VWC2L: variants seen among roughly 807,000 people sequenced by gnomAD.
VWC2L encodes the protein von Willebrand factor C domain-containing protein 2-like.
A neutral mutation model predicts 21.6 loss-of-function variants in VWC2L; 10 were observed. The ratio of observed to expected loss-of-function variants is 0.46; its 90% CI spans 0.29 to 0.78. The LOEUF (loss-of-function observed/expected upper bound fraction) is 0.78. Among genes scored for constraint, VWC2L ranks in the 30% least tolerant of loss-of-function variants. The pLI, the probability that VWC2L is intolerant of heterozygous loss-of-function variation, is 0.10. For synonymous variants in VWC2L, 96 were observed against 94.3 expected (o/e 1.02, Z -0.10); for missense variants, 209 against 277.1 (o/e 0.75, Z 1.74).
chr2:214,490,303 C>T (rs763443265), intron 3 of VWC2L, among the ~76,000 whole-genome samples: 1 of 151,562 alleles, frequency 6.6e-6, no homozygotes, highest in African/African-American at 2.4e-5. Context: ...TAGGAATAGA[C>T]ACATTTTTTA....
chr2:214,494,515 C>T (rs1199490169), intron 3 of VWC2L, among the ~76,000 whole-genome samples: 4 of 152,158 alleles, frequency 2.6e-5, no homozygotes, highest in Non-Finnish European at 5.9e-5. Flanking sequence ...GGGCCTTTTT[C>T]CTCTTCCAAG....
intron 2 of VWC2L, 177 bp from the exon 3 acceptor site, chr2:214,436,452 T>C: frequency 1.4e-6 from 1 of 717,768 alleles, no homozygotes; most frequent in Non-Finnish European, 2.2e-6. Flanking sequence ...TGTAATCCAC[T>C]GTGACTTGGG....
intron 3 of VWC2L, among the ~76,000 whole-genome samples, chr2:214,548,914 A>G (rs780160493): frequency 6.6e-6 from 1 of 152,192 alleles, no homozygotes; most frequent in Non-Finnish European, 1.5e-5. Flanking sequence ...GTAACAACTT[A>G]CCACAAACTT....
intron 3 of VWC2L, among the ~76,000 whole-genome samples, chr2:214,479,291 T>C (rs917499077): frequency 1.4e-4 from 22 of 152,330 alleles, no homozygotes; most frequent in African/African-American, 5.3e-4. Flanking sequence ...CATAAAAATA[T>C]CTTATTTTTT....
chr2:214,561,784 TTATATATATA>T (rs67223012), intron 3 of VWC2L, among the ~76,000 whole-genome samples: 1,789 of 128,698 alleles, frequency 0.014, 134 homozygotes, highest in African/African-American at 0.057. Flanking sequence ...TCAAAAAAAA[TTATATATATA>T]TATATATATA....
In VWC2L at chr2:214,577,533, G is replaced by A. The variant is rs777553324; in HGVS notation, c.*1713G>A. The A allele has an allele frequency of 6.6e-6, 1 of 152,286 alleles. No individual in the cohort carries two copies. The highest frequency in any genetic ancestry group is 1.5e-5 in the Non-Finnish European group (1 of 68,144). The allele number at this position is 152,286 out of a possible 1,614,324, so 9.4% of individuals were successfully genotyped here. ...AGTGGTCTAGAATAATCAGTATAGAGTGGTTTCTGGCAGGGGACACAGTAG... is the reference window on the plus strand; with the variant it reads ...AGTGGTCTAGAATAATCAGTATAGAATGGTTTCTGGCAGGGGACACAGTAG... On this transcript the variant is annotated 3_prime_UTR_variant, in exon 4 of 4. Transcript: ENST00000312504.
intron 3 of VWC2L, among the ~76,000 whole-genome samples, chr2:214,512,590 A>G (rs558069286): frequency 6.9e-4 from 105 of 152,266 alleles, no homozygotes; most frequent in African/African-American, 2.3e-3. Context: ...TTTTACTCTC[A>G]CTTTCTAAAA....
At chr2:214,424,157 T>C (rs1702487636) in intron 2 of VWC2L, among the ~76,000 whole-genome samples, 1 of 152,174 alleles carries the variant, frequency 6.6e-6, no homozygotes, top group South Asian at 2.1e-4. Flanking sequence ...GTTTCTCAGA[T>C]TATTATAATT....
intron 2 of VWC2L, among the ~76,000 whole-genome samples, chr2:214,426,632 C>A (rs1702527862): frequency 6.6e-6 from 1 of 152,202 alleles, no homozygotes; most frequent in African/African-American, 2.4e-5. Flanking sequence ...GAAATTTGTG[C>A]CTTTGTCCTT....
At chr2:214,426,588 T>C (rs1343519458) in intron 2 of VWC2L, among the ~76,000 whole-genome samples, 2 of 152,256 alleles carry the variant, frequency 1.3e-5, no homozygotes, top group African/African-American at 4.8e-5. Context: ...ATATTTTCAC[T>C]CCCATTTCAC....
chr2:214,491,449 G>T (rs879911683), intron 3 of VWC2L, among the ~76,000 whole-genome samples: 2 of 152,188 alleles, frequency 1.3e-5, no homozygotes, highest in Non-Finnish European at 1.5e-5. Context: ...AAATCCCAAA[G>T]CCAAAGATTT....
At chr2:214,426,872 A>G (rs1702531076) in intron 2 of VWC2L, among the ~76,000 whole-genome samples, 1 of 152,210 alleles carries the variant, frequency 6.6e-6, no homozygotes, top group Non-Finnish European at 1.5e-5. Flanking sequence ...TTTCACAGAA[A>G]TGTGGCACAT....
intron 3 of VWC2L, among the ~76,000 whole-genome samples, chr2:214,563,130 C>T (rs1435617619): frequency 6.6e-6 from 1 of 151,912 alleles, no homozygotes; most frequent in Non-Finnish European, 1.5e-5. Flanking sequence ...GTAAATTTTT[C>T]TATAGGTGTA....
chr2:214,456,141 A>G (rs371035869), intron 3 of VWC2L, among the ~76,000 whole-genome samples: 1 of 152,076 alleles, frequency 6.6e-6, no homozygotes, highest in Non-Finnish European at 1.5e-5. Flanking sequence ...GGCTGTACCA[A>G]TTTACAGTCC....
intron 3 of VWC2L, among the ~76,000 whole-genome samples, chr2:214,564,552 C>A (rs1009209499): frequency 1.3e-5 from 2 of 152,070 alleles, no homozygotes; most frequent in Non-Finnish European, 2.9e-5. Flanking sequence ...GTAGTGGCTA[C>A]TGAATAGGCA....
intron 3 of VWC2L, among the ~76,000 whole-genome samples, chr2:214,453,725 C>CTT (rs33937313): frequency 0.054 from 7,732 of 142,420 alleles, 619 homozygotes; most frequent in African/African-American, 0.18. Context: ...AATTTTTTTT[C>CTT]TTTTTTTTTT....
intron 3 of VWC2L, among the ~76,000 whole-genome samples, chr2:214,477,466 C>A (rs1688541230): frequency 6.6e-6 from 1 of 152,088 alleles, no homozygotes; most frequent in African/African-American, 2.4e-5. Context: ...ATAAGAGTGT[C>A]TTTTTTGTTC....
In VWC2L at chr2:214,479,310, T is replaced by C. The variant is rs1273497057; in HGVS notation, c.520+42552T>C. On this transcript the variant is annotated intron_variant, in intron 3 of 3. Coordinates refer to ENST00000312504, the MANE Select transcript of VWC2L (RefSeq NM_001080500.4). ...AAAATATCTTATTTTTTGATAGTCATAGTGTTTATCTTTTTAATGACCACA... is the reference window on the plus strand; with the variant it reads ...AAAATATCTTATTTTTTGATAGTCACAGTGTTTATCTTTTTAATGACCACA... 6.6e-5 allele frequency among the ~76,000 whole-genome samples: 10 copies of C among 152,230 alleles called. 1 individual carries two copies. Among genetic ancestry groups the C allele is most frequent in the Admixed American group, 6.5e-4 (10 of 15,282 alleles).
In VWC2L at chr2:214,515,838, C is replaced by T. The variant is rs114972616; in HGVS notation, c.521-59834C>T. Among the ~76,000 whole-genome samples, 1,387 of 152,132 alleles carry T rather than the reference C, an allele frequency of 9.1e-3. 28 individuals are homozygous for T. Among genetic ancestry groups the T allele is most frequent in the African/African-American group, 0.031 (1,294 of 41,520 alleles). Reference sequence around the variant, plus strand: ...CCAAAGTGCTGGGATTACAGGCCAGCGTGTACAGGGATTACAGTGAGCCAC... The same window carrying T: ...CCAAAGTGCTGGGATTACAGGCCAGTGTGTACAGGGATTACAGTGAGCCAC... On this transcript the variant is annotated intron_variant, in intron 3 of 3. Transcript: ENST00000312504.
Sources: gnomAD v4.1 joint callset for allele counts (sites outside exome capture counted in the v4.1 genomes callset) on GRCh38, gnomAD v4.1.1 for gene constraint, MANE v1.5 for transcripts, NCBI Gene and HGNC (gene_info 2026-07-23, HGNC 2026-07-21) for gene names.